The following RC3H1 variants were observed in gnomAD, a reference collection of about 807,000 sequenced individuals.
The protein encoded by RC3H1 is roquin-1.
RC3H1 carries 50 observed loss-of-function variants against 138.2 expected under a neutral mutation model. That is an observed-to-expected ratio of 0.36 (90% CI 0.29 to 0.46). The LOEUF (loss-of-function observed/expected upper bound fraction) is 0.46. RC3H1 is among the 20% of genes least tolerant of loss of function. RC3H1 has a pLI of 1.00. For missense variants in RC3H1, 1,031 were observed against 1,388.1 expected, an observed-to-expected ratio of 0.74 and a Z score of 4.09; for synonymous variants, 462 against 489.1, an observed-to-expected ratio of 0.94 and a Z score of 0.73.
At chr1:174,011,790 T>G (rs968155799) in intron 1 of RC3H1, among the ~76,000 whole-genome samples, 1 of 152,164 alleles carries the variant, frequency 6.6e-6, no homozygotes, top group Admixed American at 6.5e-5. Context: ...GATCAAAGTG[T>G]AGTTTGAATA....
chr1:173,951,129 AG>A (rs769712098), intron 14 of RC3H1, among the ~76,000 whole-genome samples: 100 of 152,238 alleles, frequency 6.6e-4, no homozygotes, highest in Admixed American at 1.6e-3. Flanking sequence ...GTTCAAGACC[AG>A]CCTGACCAAC....
chr1:173,959,527 T>G (rs1002559827), intron 13 of RC3H1, among the ~76,000 whole-genome samples: 1 of 152,116 alleles, frequency 6.6e-6, no homozygotes, highest in African/African-American at 2.4e-5. Flanking sequence ...TCCCAGCACT[T>G]TGGGAGGCCA....
In RC3H1 at chr1:173,933,055, C is replaced by G. The variant is rs955063686; in HGVS notation, c.*5666G>C. On this transcript the variant is annotated 3_prime_UTR_variant, in exon 20 of 20. Transcript: ENST00000367696. ...AATACAAGAAAACAAGTCACCTTAT[C>G]TAGTATAAAATAAACATTAGGATAA... 10 of 151,746 alleles carry G rather than the reference C, an allele frequency of 6.6e-5. No homozygotes were observed. Among genetic ancestry groups the G allele is most frequent in the African/African-American group, 1.9e-4 (8 of 41,318 alleles). 9.4% of individuals were successfully genotyped at this position (151,746 alleles called of 1,614,324 possible). A position where few individuals can be genotyped will look rare whatever the true frequency, so the allele number is the denominator to read the frequency against.
chr1:173,982,208 C>T (rs1273212231), intron 5 of RC3H1, among the ~76,000 whole-genome samples: 11 of 151,998 alleles, frequency 7.2e-5, no homozygotes, highest in African/African-American at 2.4e-4. Flanking sequence ...GGCGAAACCC[C>T]GTCTCTACCA....
rs1354565947 is a variant in RC3H1, at chr1:173,943,607, A to G, written c.2970T>C (p.Ser990=). The change falls in exon 18 of 20, where the codon AGT becomes AGC. Residue 990 remains serine (S), a synonymous_variant. Coordinates refer to ENST00000367696, the MANE Select transcript of RC3H1 (RefSeq NM_172071.4). Reference sequence around the variant, plus strand: ...CCTCCCTCTGCAACACCAGCCTGTTACTAACAGCCTAGTGCATAAAGCCAA... The same window carrying G: ...CCTCCCTCTGCAACACCAGCCTGTTGCTAACAGCCTAGTGCATAAAGCCAA... ...QTQLRGLEAV[S]NRLVLQREAN... The G allele has an allele frequency of 1.9e-6, 3 of 1,612,286 alleles. No homozygotes were observed. Among genetic ancestry groups the G allele is most frequent in the African/African-American group, 2.7e-5 (2 of 74,920 alleles).
At chr1:173,964,295 G>C (rs1314778918) in intron 10 of RC3H1, 108 bp from the exon 11 acceptor site, 1 of 840,202 alleles carries the variant, frequency 1.2e-6, no homozygotes, top group Non-Finnish European at 1.9e-6. Flanking sequence ...TATTCTAATA[G>C]TCCTCCCTTC....
chr1:173,967,650 TA>T (rs1444657995), intron 9 of RC3H1, among the ~76,000 whole-genome samples: 1 of 152,256 alleles, frequency 6.6e-6, no homozygotes, highest in Non-Finnish European at 1.5e-5. Flanking sequence ...TTATGATCCA[TA>T]AATCTATTGG....
chr1:173,961,320 ATT>A, intron 12 of RC3H1, 76 bp from the exon 13 acceptor site: 4 of 1,331,286 alleles, frequency 3.0e-6, no homozygotes, highest in Non-Finnish European at 3.1e-6. Context: ...CTCAGCGTAT[ATT>A]TTAAGTTATG....
chr1:173,973,014 G>A (rs1201939496), intron 7 of RC3H1, among the ~76,000 whole-genome samples: 1 of 152,182 alleles, frequency 6.6e-6, no homozygotes, highest in East Asian at 1.9e-4. Flanking sequence ...ATGTGATGAT[G>A]CAAGGCTGGC....
intron 1 of RC3H1, among the ~76,000 whole-genome samples, chr1:174,010,665 C>T (rs752462523): frequency 8.6e-5 from 10 of 116,066 alleles, no homozygotes; most frequent in South Asian, 2.4e-4. Context: ...CCTCCTGCCT[C>T]GGCCTCCCAG....
intron 2 of RC3H1, among the ~76,000 whole-genome samples, chr1:173,991,235 G>T (rs1042981739): frequency 5.3e-5 from 8 of 152,054 alleles, no homozygotes; most frequent in Non-Finnish European, 8.8e-5. Context: ...AAGAAAGAAA[G>T]AAATTATGAA....
In RC3H1 at chr1:173,989,767, C is replaced by T. The variant is rs1296680741; in HGVS notation, c.231+2988G>A. ...CGGAGTCTCGCTCTGTCGCCCAGGC[C>T]GGATTGCGGACTGCAGTGGCGCAAT... On this transcript the variant is annotated intron_variant, in intron 2 of 19. Coordinates refer to ENST00000367696, the MANE Select transcript of RC3H1 (RefSeq NM_172071.4). Among the ~76,000 whole-genome samples the T allele has an allele frequency of 5.7e-5, 8 of 140,708 alleles. No homozygotes were observed. The South Asian group carries it at 9.0e-4, about 16-fold the overall frequency. The allele number at this position is 140,708 out of a possible 152,430, so 92.3% of individuals were successfully genotyped here.
At chr1:174,008,023 A>C (rs1661684283) in intron 1 of RC3H1, among the ~76,000 whole-genome samples, 1 of 152,216 alleles carries the variant, frequency 6.6e-6, no homozygotes, top group Non-Finnish European at 1.5e-5. Context: ...CATATGTGTC[A>C]CACACTAATA....
At chr1:173,995,299 C>T (rs548668278) in intron 1 of RC3H1, among the ~76,000 whole-genome samples, 9 of 152,038 alleles carry the variant, frequency 5.9e-5, no homozygotes, top group Admixed American at 5.2e-4. Flanking sequence ...TTTGGGAGGA[C>T]GAGACAGGTG....
At chr1:174,010,753 T>A (rs973644513) in intron 1 of RC3H1, among the ~76,000 whole-genome samples, 5 of 150,598 alleles carry the variant, frequency 3.3e-5, no homozygotes, top group African/African-American at 1.0e-4. Context: ...TCCTCTACCT[T>A]CCTCACAGCT....
In RC3H1 at chr1:173,992,916, T is replaced by A; in HGVS notation, c.70A>T (p.Thr24Ser). Residue 24 changes from threonine (T) to serine (S), a missense_variant, in exon 2 of 20, where the codon ACA (threonine) becomes TCA (serine). This residue lies in a region of RC3H1 where 35 missense variants were observed against 69.4 expected (regional missense o/e 0.50). Transcript: ENST00000367696. ...CCCAAACTGATGGGCTTTCGAATTG[T>A]TTCGTCGAAAGTCTGAGTGCAAATT... ...CPICTQTFDE[T>S]IRKPISLGCG... The A allele has an allele frequency of 6.2e-7, 1 of 1,614,090 alleles. No individual in the cohort carries two copies. The highest frequency in any genetic ancestry group is 8.5e-7 in the Non-Finnish European group (1 of 1,180,020).
chr1:173,941,210 T>TA, intron 19 of RC3H1, 55 bp downstream of exon 19: 1 of 962,404 alleles, frequency 1.0e-6, no homozygotes, highest in South Asian at 1.3e-5. Context: ...GATAATATAT[T>TA]AGTTTCTCTT....
chr1:173,972,467 A>C lies in RC3H1; in HGVS notation c.1221+42T>G, dbSNP rs373723028. 2.2e-6 allele frequency: 3 copies of C among 1,386,840 alleles called. No individual in the cohort carries two copies. The Admixed American group carries it at 5.0e-5, about 23-fold the overall frequency. 85.9% of individuals were successfully genotyped at this position (1,386,840 alleles called of 1,614,324 possible). A position where few individuals can be genotyped will look rare whatever the true frequency, so the allele number is the denominator to read the frequency against. On this transcript the variant is annotated intron_variant, in intron 8 of 19. Coordinates refer to ENST00000367696, the MANE Select transcript of RC3H1 (RefSeq NM_172071.4). Reference sequence around the variant, plus strand: ...TGGTTTACCTATAGTTTTAAGGCATATCCACAGTGGGTTAACTCTAAGTTT... The same window carrying C: ...TGGTTTACCTATAGTTTTAAGGCATCTCCACAGTGGGTTAACTCTAAGTTT...
At chr1:173,954,331 C>T (rs1659543761) in intron 13 of RC3H1, among the ~76,000 whole-genome samples, 1 of 151,892 alleles carries the variant, frequency 6.6e-6, no homozygotes, top group Non-Finnish European at 1.5e-5. Flanking sequence ...CACAGAAAGA[C>T]AAATATTTCA....
Sources: allele counts gnomAD v4.1 joint callset (sites outside exome capture counted in the v4.1 genomes callset), GRCh38; gene constraint gnomAD v4.1.1; regional missense constraint gnomAD v4.1.1; transcripts MANE v1.5; gene names NCBI Gene and HGNC (gene_info 2026-07-23, HGNC 2026-07-21).